MTA3: variants seen among roughly 807,000 people sequenced by gnomAD.
MTA3 encodes metastasis associated 1 family member 3, also known as metastasis-associated protein MTA3.
A neutral mutation model predicts 83.5 loss-of-function variants in MTA3; 34 were observed. The ratio of observed to expected loss-of-function variants is 0.41; its 90% confidence interval spans 0.31 to 0.54. The LOEUF is 0.54. Ranked by LOEUF, MTA3 falls within the 20% of genes least tolerant of loss-of-function variation. MTA3 has a pLI of 0.33. For missense variants in MTA3, 761 were observed against 726.4 expected (o/e 1.05, Z -0.55); for synonymous variants, 303 against 252.7 (o/e 1.20, Z -1.89).
intron 8 of MTA3, among the ~76,000 whole-genome samples, chr2:42,660,374 A>G (rs964006196): frequency 6.6e-5 from 10 of 152,236 alleles, no homozygotes; most frequent in Non-Finnish European, 1.2e-4. Context: ...GGCATGAGCC[A>G]CCACACCCGG....
chr2:42,548,471 A>G (rs778688835), intron 2 of MTA3, among the ~76,000 whole-genome samples: 1 of 151,562 alleles, frequency 6.6e-6, no homozygotes, highest in Non-Finnish European at 1.5e-5. Context: ...GTCTCAAAAT[A>G]TACGTATATA....
At chr2:42,620,983 C>T (rs577385300) in intron 4 of MTA3, among the ~76,000 whole-genome samples, 152 of 152,220 alleles carry the variant, frequency 1.0e-3, no homozygotes, top group Non-Finnish European at 1.8e-3. Flanking sequence ...CTCTAGTTGT[C>T]AGCCATTCAC....
At chr2:42,638,177 T>C (rs1687368035) in intron 4 of MTA3, among the ~76,000 whole-genome samples, 1 of 152,154 alleles carries the variant, frequency 6.6e-6, no homozygotes, top group Non-Finnish European at 1.5e-5. Context: ...GAGTATCAAA[T>C]GTTAGAAATA....
intron 2 of MTA3, among the ~76,000 whole-genome samples, chr2:42,549,886 C>T (rs1172780411): frequency 6.6e-6 from 1 of 151,092 alleles, no homozygotes; most frequent in Non-Finnish European, 1.5e-5. Context: ...CACATGCATC[C>T]TCCCTTCCTC....
intron 3 of MTA3, among the ~76,000 whole-genome samples, chr2:42,597,794 C>T (rs1037898058): frequency 6.6e-6 from 1 of 151,468 alleles, no homozygotes; most frequent in Admixed American, 6.6e-5. Context: ...GATCCTCCTG[C>T]TTCAGCCTCC....
At chr2:42,584,935 AT>A (rs879751312) in intron 3 of MTA3, among the ~76,000 whole-genome samples, 211 of 142,212 alleles carry the variant, frequency 1.5e-3, no homozygotes, top group East Asian at 1.4e-3. Flanking sequence ...AAGCCATAAG[AT>A]TTTTTTTTTT....
At chr2:42,698,669 T>G (rs995128716) in intron 11 of MTA3, among the ~76,000 whole-genome samples, 5 of 152,178 alleles carry the variant, frequency 3.3e-5, no homozygotes, top group South Asian at 2.1e-4. Context: ...CTTCAACCTA[T>G]TTACAGTTGT....
intron 1 of MTA3, among the ~76,000 whole-genome samples, chr2:42,569,117 C>T (rs1035191231): frequency 6.7e-6 from 1 of 149,724 alleles, no homozygotes; most frequent in Non-Finnish European, 1.5e-5. Flanking sequence ...GGCCTTCTTG[C>T]GTGGCTTCTA....
intron 5 of MTA3, among the ~76,000 whole-genome samples, chr2:42,642,223 A>T (rs1270465733): frequency 6.6e-6 from 1 of 152,186 alleles, no homozygotes; most frequent in African/African-American, 2.4e-5. Flanking sequence ...TAGAAATCTA[A>T]GGATTTTAAG....
chr2:42,607,502 C>G lies in MTA3; in HGVS notation c.191-1956C>G, dbSNP rs76388654. ...TCAAGCGATCCTCCTACATCAGTCT[C>G]TGAGTAGCTGGGACCATGGGCTTGG... is the stretch of plus-strand genomic sequence containing the variant. On this transcript the variant is annotated intron_variant, in intron 3 of 16. Transcript: ENST00000405094. 5.0e-3 allele frequency among the ~76,000 whole-genome samples: 762 copies of G among 152,266 alleles called. 4 individuals are homozygous for G. Among genetic ancestry groups the G allele is most frequent in the African/African-American group, 0.016 (673 of 41,556 alleles).
chr2:42,548,814 T>A (rs866995653), intron 2 of MTA3, among the ~76,000 whole-genome samples: 1,019 of 33,564 alleles, frequency 0.03, 102 homozygotes, highest in African/African-American at 0.091. Flanking sequence ...AAAAAAAATA[T>A]ATATATATAT....
At chr2:42,559,605 G>A (rs1039630607) in intron 2 of MTA3, among the ~76,000 whole-genome samples, 11 of 151,692 alleles carry the variant, frequency 7.3e-5, no homozygotes, top group Admixed American at 2.0e-4. Context: ...CTGGCCAGGC[G>A]CAGTGGCTCA....
At chr2:42,501,619 C>T (rs973812292) in intron 2 of MTA3, among the ~76,000 whole-genome samples, 3 of 152,048 alleles carry the variant, frequency 2.0e-5, no homozygotes, top group African/African-American at 7.2e-5. Context: ...AGGATTGCAG[C>T]GAGACAAAGT....
At chr2:42,656,664 G>A (rs1320858045) in intron 7 of MTA3, among the ~76,000 whole-genome samples, 1 of 152,192 alleles carries the variant, frequency 6.6e-6, no homozygotes, top group East Asian at 1.9e-4. Context: ...ATGTGCACCT[G>A]GAATTCGCTC....
chr2:42,629,110 T>G (rs1686415299), intron 4 of MTA3, among the ~76,000 whole-genome samples: 1 of 152,056 alleles, frequency 6.6e-6, no homozygotes, highest in Non-Finnish European at 1.5e-5. Flanking sequence ...GACGGAGTCT[T>G]GCTCTGTGGC....
chr2:42,562,740 G>C (rs558970329), intron 2 of MTA3, among the ~76,000 whole-genome samples: 4 of 152,164 alleles, frequency 2.6e-5, no homozygotes, highest in Non-Finnish European at 4.4e-5. Flanking sequence ...GATTGGCTGG[G>C]CTCTGGGGTG....
At chr2:42,656,036 C>T (rs997470337) in intron 6 of MTA3, among the ~76,000 whole-genome samples, 164 bp from the exon 7 acceptor site, 4 of 152,238 alleles carry the variant, frequency 2.6e-5, no homozygotes, top group Admixed American at 6.5e-5. Context: ...TCAGTGTTCA[C>T]TTTAACGAGG....
At chr2:42,566,486 C>G (rs1459832654), upstream of MTA3, among the ~76,000 whole-genome samples, 3 of 152,018 alleles carry the variant, frequency 2.0e-5, 1 homozygote, top group African/African-American at 7.2e-5. Context: ...TATATAGAAT[C>G]TAGAGCAAAA....
At chr2:42,567,976 G>A (rs1677999710), upstream of MTA3, 1 of 152,188 alleles carries the variant, frequency 6.6e-6, no homozygotes, top group Middle Eastern at 3.2e-3. Context: ...CCAGTTTTGG[G>A]GTAAACGATG....
Sources: allele counts gnomAD v4.1 joint callset (sites outside exome capture counted in the v4.1 genomes callset), GRCh38; gene constraint gnomAD v4.1.1; transcripts MANE v1.5; gene names NCBI Gene and HGNC (gene_info 2026-07-23, HGNC 2026-07-21).